Variants in PACRG observed in about 807,000 individuals in gnomAD.
The protein encoded by PACRG is parkin coregulated gene protein.
A neutral mutation model predicts 29.7 loss-of-function variants in PACRG; 29 were observed. That is an observed-to-expected ratio of 0.98 (90% CI 0.73 to 1.33). PACRG has a LOEUF of 1.33. Among genes scored for constraint, PACRG ranks in the 40% most tolerant of loss-of-function variants. The pLI, the probability that PACRG is intolerant of heterozygous loss-of-function variation, is 0.00. For missense variants in PACRG, 279 were observed against 316.2 expected, an observed-to-expected ratio of 0.88 and a Z score of 0.89; for synonymous variants, 116 against 118.7, an observed-to-expected ratio of 0.98 and a Z score of 0.15.
chr6:162,775,757 A>G (rs183200092), intron 1 of PACRG, among the ~76,000 whole-genome samples: 1 of 152,152 alleles, frequency 6.6e-6, no homozygotes, highest in African/African-American at 2.4e-5. Flanking sequence ...TTCCTTGCCT[A>G]TTGAACTTTC....
chr6:163,137,557 T>C lies in PACRG; in HGVS notation c.613+48149T>C, dbSNP rs59192847. Among the ~76,000 whole-genome samples, 1,081 of 151,914 alleles carry C rather than the reference T, an allele frequency of 7.1e-3. 25 individuals carry two copies. The highest frequency in any genetic ancestry group is 0.051 in the East Asian group (263 of 5,124). On this transcript the variant is annotated intron_variant, in intron 4 of 4. Transcript: ENST00000366888. ...GGCGAGCTCTCCGATCCTTTCTCCATCCCCCCAAACCTCCCCTGGCTCTCG... is the reference window on the plus strand; with the variant it reads ...GGCGAGCTCTCCGATCCTTTCTCCACCCCCCCAAACCTCCCCTGGCTCTCG...
chr6:162,970,974 C>T (rs1248530000), intron 2 of PACRG, among the ~76,000 whole-genome samples: 4 of 152,152 alleles, frequency 2.6e-5, no homozygotes, highest in Non-Finnish European at 4.4e-5. Flanking sequence ...ATACTAAAAA[C>T]GAGATGTGGT....
intron 3 of PACRG, among the ~76,000 whole-genome samples, chr6:163,087,991 C>A (rs1387007702): frequency 6.6e-6 from 1 of 152,164 alleles, no homozygotes; most frequent in Non-Finnish European, 1.5e-5. Flanking sequence ...GAGAAACAGG[C>A]TTTGACCTGG....
intron 4 of PACRG, among the ~76,000 whole-genome samples, chr6:163,193,807 A>G (rs960067739): frequency 6.6e-6 from 1 of 152,106 alleles, no homozygotes; most frequent in African/African-American, 2.4e-5. Flanking sequence ...AATGTAGTAC[A>G]CATTTTAAAC....
At chr6:162,963,906 A>C (rs1158283659) in intron 2 of PACRG, among the ~76,000 whole-genome samples, 2 of 152,168 alleles carry the variant, frequency 1.3e-5, no homozygotes, top group African/African-American at 4.8e-5. Context: ...TCACCTTTCT[A>C]GCACTATTTT....
rs1201427226 is a variant in PACRG at position 163,055,874 on chromosome 6, C to T, written c.292-6276C>T. Among the ~76,000 whole-genome samples, 1 of 152,154 alleles carries T rather than the reference C, an allele frequency of 6.6e-6. No homozygotes were observed. Among genetic ancestry groups the T allele is most frequent in the Non-Finnish European group, 1.5e-5 (1 of 68,034 alleles). On this transcript the variant is annotated intron_variant, in intron 2 of 4. Transcript: ENST00000366888. The surrounding 1 kb of genome is among the most constrained non-coding windows in gnomAD (Gnocchi z 4.0). ...ATCCTTTCCCCCAGCTCTTAAGCAG[C>T]CACTTTCTGTCTCTTGGATTTGTCT...
At chr6:163,128,615 A>G (rs1417177711) in intron 4 of PACRG, among the ~76,000 whole-genome samples, 3 of 152,324 alleles carry the variant, frequency 2.0e-5, no homozygotes, top group Admixed American at 1.3e-4. Flanking sequence ...CAGAGGCTTT[A>G]AAACACTGGC....
chr6:163,017,235 C>G (rs941085370), intron 2 of PACRG, among the ~76,000 whole-genome samples: 1 of 152,038 alleles, frequency 6.6e-6, no homozygotes, highest in Non-Finnish European at 1.5e-5. Context: ...AAAATGTGTA[C>G]ATAGTGATAA....
chr6:162,785,824 C>A (rs1158404174), intron 1 of PACRG, among the ~76,000 whole-genome samples: 1 of 152,164 alleles, frequency 6.6e-6, no homozygotes, highest in South Asian at 2.1e-4. Flanking sequence ...AGGCCACGGA[C>A]CACTAGCGGT....
At chr6:163,165,979 AT>A in intron 4 of PACRG, 1 of 409,320 alleles carries the variant, frequency 2.4e-6, no homozygotes. Flanking sequence ...TGATTCTAAT[AT>A]AATACAATTT....
intron 4 of PACRG, among the ~76,000 whole-genome samples, chr6:163,229,545 T>A (rs1781940538): frequency 6.6e-6 from 1 of 152,220 alleles, no homozygotes; most frequent in Non-Finnish European, 1.5e-5. Context: ...TCCAAAGACA[T>A]TCAGCCACAG....
rs746841053 is a variant in PACRG at position 162,814,322 on chromosome 6, G to A, written c.291+41G>A. On this transcript the variant is annotated intron_variant, in intron 2 of 4. Coordinates refer to ENST00000366888, the MANE Select transcript of PACRG (RefSeq NM_001080379.2). ...GCTGTGCCGGCCAGCTGCACCCGCT[G>A]AAGTGACATCTCCCAATGCCAAACA... The A allele has an allele frequency of 1.9e-5, 30 of 1,606,750 alleles. No homozygotes were observed. In the East Asian group the frequency reaches 6.3e-4, roughly 34 times the overall value.
chr6:162,878,748 A>T (rs1793581877), intron 2 of PACRG, among the ~76,000 whole-genome samples: 1 of 152,208 alleles, frequency 6.6e-6, no homozygotes, highest in Non-Finnish European at 1.5e-5. Context: ...AAATCCTCTG[A>T]TTTCCCCAAT....
intron 2 of PACRG, among the ~76,000 whole-genome samples, chr6:162,958,645 A>G (rs1471250833): frequency 2.6e-5 from 4 of 151,842 alleles, no homozygotes; most frequent in Non-Finnish European, 5.9e-5. Flanking sequence ...CACTAAGGAT[A>G]AAGCAGCAAT....
At chr6:163,113,386 T>C (rs1407337170) in intron 4 of PACRG, among the ~76,000 whole-genome samples, 1 of 152,120 alleles carries the variant, frequency 6.6e-6, no homozygotes, top group Admixed American at 6.5e-5. Flanking sequence ...GCCATGAATG[T>C]AAACATCCAA....
intron 1 of PACRG, among the ~76,000 whole-genome samples, chr6:162,739,569 C>T (rs186994644): frequency 2.1e-3 from 323 of 152,128 alleles, no homozygotes; most frequent in African/African-American, 7.5e-3. Context: ...GTCGGCCAGG[C>T]GTGGTTGCTC....
intron 4 of PACRG, among the ~76,000 whole-genome samples, chr6:163,118,980 G>A (rs1333903198): frequency 6.6e-6 from 1 of 152,150 alleles, no homozygotes. Flanking sequence ...ACTTGAAAAA[G>A]TTCAGAAAGT....
At chr6:163,205,053 C>G (rs1780848320) in intron 4 of PACRG, among the ~76,000 whole-genome samples, 1 of 151,990 alleles carries the variant, frequency 6.6e-6, no homozygotes, top group African/African-American at 2.4e-5. Context: ...AAAGACTGCT[C>G]AAAGAAATCA....
At chr6:163,165,912 C>A (rs1585285168) in intron 4 of PACRG, 2 of 359,938 alleles carry the variant, frequency 5.6e-6, no homozygotes, top group East Asian at 7.4e-5. Flanking sequence ...GCATCTAAGG[C>A]ACCATTAGCC....
Sources: allele counts gnomAD v4.1 joint callset (sites outside exome capture counted in the v4.1 genomes callset), GRCh38; gene constraint gnomAD v4.1.1; non-coding constraint Gnocchi (gnomAD v3.1); transcripts MANE v1.5; gene names NCBI Gene and HGNC (gene_info 2026-07-23, HGNC 2026-07-21).